TIMM17A: variants seen among roughly 807,000 people sequenced by gnomAD.
The protein encoded by TIMM17A is mitochondrial import inner membrane translocase subunit Tim17-A.
TIMM17A carries 15 observed loss-of-function variants against 26.5 expected under a neutral mutation model. The observed-to-expected ratio is 0.57, with a 90% confidence interval of 0.38 to 0.87. The LOEUF (loss-of-function observed/expected upper bound fraction) is 0.87. Ranked by LOEUF, TIMM17A falls within the 40% of genes least tolerant of loss-of-function variation. TIMM17A has a pLI of 0.00. For synonymous variants in TIMM17A, 80 were observed against 70.8 expected, an observed-to-expected ratio of 1.13 and a Z score of -0.66; for missense variants, 201 against 210.0, an observed-to-expected ratio of 0.96 and a Z score of 0.27.
At chr1:201,958,243 C>T (rs1438328055) in intron 3 of TIMM17A, among the ~76,000 whole-genome samples, 1 of 152,138 alleles carries the variant, frequency 6.6e-6, no homozygotes, top group Non-Finnish European at 1.5e-5. Flanking sequence ...CAGGAGAAAC[C>T]CATCAAGCCG....
chr1:201,963,469 T>G (rs1209267350), intron 3 of TIMM17A, 147 bp from the exon 4 acceptor site: 1 of 745,398 alleles, frequency 1.3e-6, no homozygotes, highest in Non-Finnish European at 2.2e-6. Flanking sequence ...CTAACTCTTG[T>G]TCGGTGTTTA....
rs113652894 is a variant in TIMM17A, at chr1:201,960,121, C to T, written c.190+2547C>T. On this transcript the variant is annotated intron_variant, in intron 3 of 5. Coordinates refer to ENST00000367287, the MANE Select transcript of TIMM17A (RefSeq NM_006335.3). ...CTTCAGTTAATAGTAATGTGTCGGC[C>T]GGGCACAGTGGCTCACACCTGTAAT... Among the ~76,000 whole-genome samples, 232 of 152,016 alleles carry T rather than the reference C, an allele frequency of 1.5e-3. 2 individuals are homozygous for T. The highest frequency in any genetic ancestry group is 5.3e-3 in the African/African-American group (221 of 41,462).
At chr1:201,961,391 AATAAG>A (rs1269960752) in intron 3 of TIMM17A, among the ~76,000 whole-genome samples, 5 of 152,274 alleles carry the variant, frequency 3.3e-5, no homozygotes, top group African/African-American at 1.2e-4. Flanking sequence ...TCATAGAGAA[AATAAG>A]ATAGGATTTT....
At chr1:201,958,593 A>C (rs562656521) in intron 3 of TIMM17A, among the ~76,000 whole-genome samples, 1 of 152,244 alleles carries the variant, frequency 6.6e-6, no homozygotes, top group South Asian at 2.1e-4. Flanking sequence ...CCCAGCTACT[A>C]GGGAGGCTGA....
Position 201,964,621 on chromosome 1 carries a change from AT to A in TIMM17A, c.320-808del, listed in dbSNP as rs1204914661. Among the ~76,000 whole-genome samples, 330 of 98,268 alleles carry A rather than the reference AT, an allele frequency of 3.4e-3. 3 individuals are homozygous for A. Among genetic ancestry groups the A allele is most frequent in the African/African-American group, 0.014 (304 of 22,036 alleles). 64.5% of individuals were successfully genotyped at this position (98,268 alleles called of 152,430 possible). A position where few individuals can be genotyped will look rare whatever the true frequency, so the allele number is the denominator to read the frequency against. On this transcript the variant is annotated intron_variant, in intron 4 of 5. Transcript: ENST00000367287. ...TCAGTAAAACTTTATTTATTTATTTATTTTATTTTATTTCTTTTTTTTTTTT... is the reference window on the plus strand; with the variant it reads ...TCAGTAAAACTTTATTTATTTATTTATTTATTTTATTTCTTTTTTTTTTTT...
At chr1:201,966,977 GTATAT>G (rs1558251889) in intron 5 of TIMM17A, among the ~76,000 whole-genome samples, 1 of 93,356 alleles carries the variant, frequency 1.1e-5, no homozygotes, top group African/African-American at 3.9e-5. Context: ...TATATATGTT[GTATAT>G]TATATATGTT....
intron 3 of TIMM17A, 84 bp from the exon 4 acceptor site, chr1:201,963,532 G>A: frequency 7.0e-7 from 1 of 1,428,856 alleles, no homozygotes. Flanking sequence ...TGAGACTATA[G>A]TGAGTATGTT....
chr1:201,957,767 A>G lies in TIMM17A; in HGVS notation c.190+193A>G, dbSNP rs188717558. The G allele has an allele frequency of 1.4e-3, 750 of 528,542 alleles. 5 individuals are homozygous for G. Among genetic ancestry groups the G allele is most frequent in the African/African-American group, 9.7e-3 (487 of 50,360 alleles). The allele number at this position is 528,542 out of a possible 1,614,324, so 32.7% of individuals were successfully genotyped here. ...TAACCTGAATTATGATACCCATTTG[A>G]AAATCTTGTCTCTGTCCTTCAGACA... is the stretch of plus-strand genomic sequence containing the variant. On this transcript the variant is annotated intron_variant, in intron 3 of 5. Coordinates refer to ENST00000367287, the MANE Select transcript of TIMM17A (RefSeq NM_006335.3).
intron 1 of TIMM17A, among the ~76,000 whole-genome samples, chr1:201,956,973 C>T (rs993422410): frequency 1.4e-5 from 2 of 144,550 alleles, no homozygotes; most frequent in Non-Finnish European, 3.1e-5. Flanking sequence ...AAAAAAAAAA[C>T]AACTTAGAAA....
chr1:201,957,885 C>A lies in TIMM17A; in HGVS notation c.190+311C>A, dbSNP rs1682459285. The stretch of plus-strand genomic sequence containing the variant: ...CGGGCACGGGGCTCACGCCTGTAAT[C>A]CCAGCACTTTGGGAGGCCGAGGTGG... On this transcript the variant is annotated intron_variant, in intron 3 of 5. Coordinates refer to ENST00000367287, the MANE Select transcript of TIMM17A (RefSeq NM_006335.3). 4.7e-5 allele frequency: 11 copies of A among 234,654 alleles called. No individual in the cohort carries two copies. The South Asian group carries it at 6.6e-4, about 14-fold the overall frequency. 14.5% of individuals were successfully genotyped at this position (234,654 alleles called of 1,614,324 possible).
At chr1:201,961,154 C>A (rs777833689) in intron 3 of TIMM17A, among the ~76,000 whole-genome samples, 140 of 150,516 alleles carry the variant, frequency 9.3e-4, no homozygotes, top group Non-Finnish European at 1.9e-3. Context: ...CAACTTCCAT[C>A]TGTCCGGTTC....
intron 3 of TIMM17A, among the ~76,000 whole-genome samples, chr1:201,959,295 G>C (rs1044434857): frequency 2.0e-5 from 3 of 151,956 alleles, no homozygotes; most frequent in Non-Finnish European, 4.4e-5. Context: ...GGTGGAGTTT[G>C]CAGTGAGCCG....
intron 1 of TIMM17A, 143 bp downstream of exon 1, chr1:201,955,695 C>G (rs1266708609): frequency 5.2e-6 from 6 of 1,155,950 alleles, no homozygotes; most frequent in East Asian, 2.5e-5. Context: ...TGCGGTCTTT[C>G]GCGGCCAGTC....
chr1:201,969,199 T>A (rs1303011136), intron 5 of TIMM17A, among the ~76,000 whole-genome samples: 1 of 152,242 alleles, frequency 6.6e-6, no homozygotes, highest in Non-Finnish European at 1.5e-5. Context: ...TGCTTCTTGC[T>A]ATAATTAATC....
chr1:201,968,808 TCTTC>T (rs992741571), intron 5 of TIMM17A, among the ~76,000 whole-genome samples: 2 of 152,156 alleles, frequency 1.3e-5, no homozygotes, highest in Non-Finnish European at 2.9e-5. Flanking sequence ...CCTCTTTCTC[TCTTC>T]CTTCCAGATA....
intron 3 of TIMM17A, chr1:201,963,401 C>A (rs181302012): frequency 4.3e-6 from 2 of 463,918 alleles, no homozygotes; most frequent in Non-Finnish European, 7.5e-6. Context: ...GGCTTTGGGC[C>A]GTTGCTAATT....
intron 4 of TIMM17A, 45 bp downstream of exon 4, chr1:201,963,789 GA>G: frequency 6.4e-7 from 1 of 1,553,328 alleles, no homozygotes; most frequent in South Asian, 1.2e-5. Context: ...ACACTTTTAG[GA>G]AAACCTCATC....
At chr1:201,968,087 C>T (rs1470089782) in intron 5 of TIMM17A, among the ~76,000 whole-genome samples, 3 of 152,188 alleles carry the variant, frequency 2.0e-5, no homozygotes, top group African/African-American at 7.2e-5. Context: ...CCCTCCGCCT[C>T]CGGGGTGCAA....
At chr1:201,965,571 T>A in intron 5 of TIMM17A, 28 bp downstream of exon 5, 1 of 1,384,336 alleles carries the variant, frequency 7.2e-7, no homozygotes, top group Non-Finnish European at 1.0e-6. Context: ...AAACTATAGC[T>A]CAAACATTTT....
Sources: allele counts gnomAD v4.1 joint callset (sites outside exome capture counted in the v4.1 genomes callset), GRCh38; gene constraint gnomAD v4.1.1; transcripts MANE v1.5; gene names NCBI Gene and HGNC (gene_info 2026-07-23, HGNC 2026-07-21).